RAPGEF2: variants seen among roughly 807,000 people sequenced by gnomAD.
The protein encoded by RAPGEF2 is Rap guanine nucleotide exchange factor 2.
In RAPGEF2, 54 loss-of-function variants were observed where a neutral mutation model predicts 186.7. That is an observed-to-expected ratio of 0.29 (90% CI 0.23 to 0.36). RAPGEF2 has a LOEUF of 0.36. Ranked by LOEUF, RAPGEF2 falls within the 10% of genes least tolerant of loss-of-function variation. The pLI is 1.00. For synonymous variants in RAPGEF2, 712 were observed against 705.9 expected (o/e 1.01, Z -0.14); for missense variants, 1,532 against 2,045.0 (o/e 0.75, Z 4.84).
chr4:159,336,196 T>A (rs1379736264), intron 17 of RAPGEF2, among the ~76,000 whole-genome samples: 1 of 151,930 alleles, frequency 6.6e-6, no homozygotes, highest in Non-Finnish European at 1.5e-5. Flanking sequence ...GCTTTTGGGG[T>A]ACACGTGGTT....
intron 1 of RAPGEF2, among the ~76,000 whole-genome samples, chr4:159,176,081 G>A (rs1253867713): frequency 6.6e-6 from 1 of 152,198 alleles, no homozygotes; most frequent in Admixed American, 6.5e-5. Context: ...GGCTCAGAAA[G>A]GAAGTGTTCA....
rs769339285 is a variant in RAPGEF2, at chr4:159,358,165, C to T, written c.*26C>T. 1.0e-5 allele frequency: 16 copies of T among 1,607,462 alleles called. No homozygotes were observed. Among genetic ancestry groups the T allele is most frequent in the African/African-American group, 4.0e-5 (3 of 74,760 alleles). On this transcript the variant is annotated 3_prime_UTR_variant, in exon 30 of 30. Coordinates refer to ENST00000691494, the MANE Select transcript of RAPGEF2 (RefSeq NM_001394067.2). ...GGCACAGACTTTTCTGGAAGCAGAGCGAGCCACCTGAAAGGAGAGCACAAG... is the reference window on the plus strand; with the variant it reads ...GGCACAGACTTTTCTGGAAGCAGAGTGAGCCACCTGAAAGGAGAGCACAAG...
At chr4:159,199,817 C>T (rs1050743257) in intron 3 of RAPGEF2, among the ~76,000 whole-genome samples, 1 of 152,068 alleles carries the variant, frequency 6.6e-6, no homozygotes, top group African/African-American at 2.4e-5. Context: ...TATAAGTTAC[C>T]TTTCATTTTT....
chr4:159,202,648 C>G (rs1020132828), intron 3 of RAPGEF2, among the ~76,000 whole-genome samples: 1 of 152,210 alleles, frequency 6.6e-6, no homozygotes, highest in African/African-American at 2.4e-5. Context: ...GTTGCCCAGG[C>G]TGGAGTGCAG....
At chr4:159,291,958 C>G (rs72967717) in intron 7 of RAPGEF2, among the ~76,000 whole-genome samples, 2 of 152,016 alleles carry the variant, frequency 1.3e-5, no homozygotes, top group African/African-American at 4.8e-5. Flanking sequence ...TGTCCATAAT[C>G]CTACCATGTA....
intron 7 of RAPGEF2, among the ~76,000 whole-genome samples, chr4:159,290,972 C>T (rs2110955880): frequency 6.6e-6 from 1 of 152,320 alleles, no homozygotes. Flanking sequence ...AAATTCTTAT[C>T]ATTGAAATCC....
chr4:159,330,532 T>C, intron 13 of RAPGEF2, 34 bp downstream of exon 13: 1 of 1,497,708 alleles, frequency 6.7e-7, no homozygotes, highest in South Asian at 1.2e-5. Context: ...CTCTTAAATA[T>C]GAAATGTAAA....
chr4:159,356,118 C>T lies in RAPGEF2; in HGVS notation c.4917C>T (p.Leu1639=), dbSNP rs201647296. The change falls in exon 29 of 30, where the codon CTC becomes CTT. Residue 1639 remains leucine (L), a synonymous_variant. Coordinates refer to ENST00000691494, the MANE Select transcript of RAPGEF2 (RefSeq NM_001394067.2). ...WHKPNESDPR[L]APYQSQGFST... ...AACCGAACGAGTCTGACCCGCGCCT[C>T]GCCCCCTATCAGTCCCAAGGGTTTT... 6 of 1,614,174 alleles carry T rather than the reference C, an allele frequency of 3.7e-6. No homozygotes were observed. The highest frequency in any genetic ancestry group is 2.2e-5 in the East Asian group (1 of 44,880).
At chr4:159,230,571 C>T (rs1213286460) in intron 4 of RAPGEF2, among the ~76,000 whole-genome samples, 1 of 152,174 alleles carries the variant, frequency 6.6e-6, no homozygotes, top group African/African-American at 2.4e-5. Context: ...AGATGTCCTA[C>T]TAGTTGAAGT....
chr4:159,349,692 T>G (rs1165818209), intron 25 of RAPGEF2, among the ~76,000 whole-genome samples: 3 of 152,228 alleles, frequency 2.0e-5, no homozygotes, highest in Non-Finnish European at 2.9e-5. Context: ...TTATTCTCAC[T>G]TCCCTTGAGC....
intron 17 of RAPGEF2, among the ~76,000 whole-genome samples, chr4:159,335,208 A>C (rs1049776211): frequency 2.6e-5 from 4 of 152,198 alleles, no homozygotes; most frequent in Non-Finnish European, 5.9e-5. Flanking sequence ...GGTGATGTGC[A>C]TAGAGAGGAA....
intron 2 of RAPGEF2, among the ~76,000 whole-genome samples, chr4:159,187,076 C>G (rs1747632289): frequency 2.0e-5 from 3 of 152,168 alleles, no homozygotes; most frequent in Admixed American, 6.5e-5. Flanking sequence ...TTACTGTAGT[C>G]AACAAGTAGG....
At chr4:159,248,190 C>T (rs1754880217) in intron 7 of RAPGEF2, among the ~76,000 whole-genome samples, 1 of 152,114 alleles carries the variant, frequency 6.6e-6, no homozygotes, top group South Asian at 2.1e-4. Flanking sequence ...AATATAAATA[C>T]ATGACTGAGA....
At chr4:159,180,666 G>A (rs1484721037) in intron 1 of RAPGEF2, among the ~76,000 whole-genome samples, 1 of 152,194 alleles carries the variant, frequency 6.6e-6, no homozygotes, top group East Asian at 1.9e-4. Context: ...ACAAAATGAA[G>A]CAGTTACTAC....
chr4:159,333,580 C>T (rs557714719), intron 17 of RAPGEF2, among the ~76,000 whole-genome samples: 13 of 152,240 alleles, frequency 8.5e-5, no homozygotes, highest in African/African-American at 2.9e-4. Context: ...TCTTGAATTT[C>T]TTCTTGGTTA....
At chr4:159,272,487 C>A (rs1318139624) in intron 7 of RAPGEF2, among the ~76,000 whole-genome samples, 1 of 152,152 alleles carries the variant, frequency 6.6e-6, no homozygotes, top group East Asian at 1.9e-4. Flanking sequence ...TTATCTCTAT[C>A]TTAATGAATC....
intron 7 of RAPGEF2, among the ~76,000 whole-genome samples, chr4:159,256,448 T>A (rs1756172564): frequency 6.6e-6 from 1 of 152,226 alleles, no homozygotes; most frequent in South Asian, 2.1e-4. Context: ...CAGTCTATCA[T>A]TGATGGGTAT....
chr4:159,323,702 A>G (rs529474485), intron 11 of RAPGEF2, 85 bp downstream of exon 11: 4 of 827,158 alleles, frequency 4.8e-6, no homozygotes, highest in African/African-American at 1.8e-5. Flanking sequence ...TTCTCCCTAT[A>G]TAAATATCTT....
intron 6 of RAPGEF2, 142 bp from the exon 7 acceptor site, chr4:159,243,629 CATT>C (rs1248047742): frequency 2.1e-6 from 1 of 468,644 alleles, no homozygotes; most frequent in Non-Finnish European, 3.8e-6. Flanking sequence ...ACATGGGAAG[CATT>C]ATACATATAG....
Sources: gnomAD v4.1 joint callset for allele counts (sites outside exome capture counted in the v4.1 genomes callset) on GRCh38, gnomAD v4.1.1 for gene constraint, MANE v1.5 for transcripts, NCBI Gene and HGNC (gene_info 2026-07-23, HGNC 2026-07-21) for gene names.